COL4A2: variants seen among roughly 807,000 people sequenced by gnomAD.
COL4A2 encodes collagen type IV alpha 2 chain.
COL4A2 carries 99 observed loss-of-function variants against 200.2 expected under a neutral mutation model. That is an observed-to-expected ratio of 0.49 (90% CI 0.42 to 0.58). The LOEUF is 0.58. Among genes scored for constraint, COL4A2 ranks in the 20% least tolerant of loss-of-function variants. COL4A2 has a pLI of 0.00. For synonymous variants in COL4A2, 897 were observed against 900.6 expected, an observed-to-expected ratio of 1.00 and a Z score of 0.07; for missense variants, 1,950 against 2,314.1, an observed-to-expected ratio of 0.84 and a Z score of 3.23.
chr13:110,344,097 G>A (rs981073620), intron 3 of COL4A2, among the ~76,000 whole-genome samples: 10 of 151,810 alleles, frequency 6.6e-5, no homozygotes, highest in Non-Finnish European at 1.3e-4. Flanking sequence ...TCTCCCTAAC[G>A]AAACAGAAGA....
At position 110,495,476 on chromosome 13, in the gene COL4A2, A is replaced by C. The variant is rs758661437; in HGVS notation, c.3760+9A>C. ...AGACCAAGGAGCTCCAGGTGAGGCC[A>C]CACATTCCAAGCCAACATTGCCGTC... On this transcript the variant is annotated intron_variant, in intron 40 of 47. Transcript: ENST00000360467. 9.3e-6 allele frequency: 15 copies of C among 1,610,502 alleles called. No homozygotes were observed. Among genetic ancestry groups the C allele is most frequent in the Non-Finnish European group, 1.3e-5 (15 of 1,178,816 alleles).
intron 40 of COL4A2, among the ~76,000 whole-genome samples, chr13:110,501,225 A>T (rs1262116894): frequency 6.6e-6 from 1 of 152,238 alleles, no homozygotes; most frequent in East Asian, 1.9e-4. Flanking sequence ...AGCCGCAGGG[A>T]GGGTTGACAA....
intron 3 of COL4A2, among the ~76,000 whole-genome samples, chr13:110,345,197 A>T (rs1340985881): frequency 6.6e-6 from 1 of 152,196 alleles, no homozygotes; most frequent in Non-Finnish European, 1.5e-5. Flanking sequence ...GAGGGTATGG[A>T]GGACATTCCA....
intron 4 of COL4A2, among the ~76,000 whole-genome samples, chr13:110,423,718 C>G (rs897320802): frequency 6.6e-6 from 1 of 152,176 alleles, no homozygotes; most frequent in African/African-American, 2.4e-5. Context: ...ACTGCCTCCC[C>G]CTGTCCCTCT....
chr13:110,496,974 T>C (rs1883481224), intron 40 of COL4A2, among the ~76,000 whole-genome samples: 1 of 107,738 alleles, frequency 9.3e-6, no homozygotes, highest in East Asian at 3.1e-4. Flanking sequence ...ACAGCCTCAG[T>C]TGGGGTGAGG....
intron 4 of COL4A2, among the ~76,000 whole-genome samples, chr13:110,374,391 T>C (rs952358): frequency 6.6e-6 from 1 of 152,114 alleles, no homozygotes; most frequent in Non-Finnish European, 1.5e-5. Flanking sequence ...GGGTATGATG[T>C]TGCACCTTGA....
At position 110,462,109 on chromosome 13, in the gene COL4A2, C is replaced by G. The variant is rs1252919829; in HGVS notation, c.1597-5C>G. 8 of 1,614,120 alleles carry G rather than the reference C, an allele frequency of 5.0e-6. No homozygotes were observed. Among genetic ancestry groups the G allele is most frequent in the Non-Finnish European group, 5.9e-6 (7 of 1,180,058 alleles). The stretch of plus-strand genomic sequence containing the variant: ...GGAAGATATTTTTTTGTCTGTTTTC[C>G]ACAGGGAGTGCCTGGCAACATTGGT... On this transcript the variant is annotated splice_region_variant and splice_polypyrimidine_tract_variant and intron_variant, in intron 22 of 47. Transcript: ENST00000360467.
chr13:110,412,990 G>A (rs1879901203), intron 4 of COL4A2, among the ~76,000 whole-genome samples: 1 of 152,162 alleles, frequency 6.6e-6, no homozygotes, highest in Admixed American at 6.5e-5. Flanking sequence ...AAATTCCACT[G>A]GGCGGGCACA....
rs144369891 is a variant in COL4A2, at chr13:110,449,941, C to CA, written c.1189+153dup. The CA allele has an allele frequency of 9.5e-4, 827 of 866,360 alleles. 7 individuals are homozygous for CA. The African/African-American group carries it at 0.012, about 13-fold the overall frequency. 53.7% of individuals were successfully genotyped at this position (866,360 alleles called of 1,614,324 possible). On this transcript the variant is annotated intron_variant, in intron 19 of 47. Coordinates refer to ENST00000360467, the MANE Select transcript of COL4A2 (RefSeq NM_001846.4). ...TAGCAGCTCTAAGGAGCCCCGCACA[C>CA]ATGCTTTGGACACCTTCACAGAACC...
rs1487292526 is a variant in COL4A2, at chr13:110,428,578, C to T, written c.472C>T (p.Pro158Ser). ...CCCCGGCTCTGAGGGGTTCACCGGG[C>T]CTCCCGTGAGTATCCCCACAGCGCC... ...GPPGSEGFTG[P>S]PGPQGPKGQK... is the part of the protein sequence containing the mutation. Residue 158 changes from proline to serine, a missense_variant, in exon 7 of 48, where the codon CCT becomes TCT. Around this residue, in one of 2 missense-constraint regions of COL4A2, gnomAD observed 565 missense variants for 593.5 expected, o/e 0.95. Coordinates refer to ENST00000360467, the MANE Select transcript of COL4A2 (RefSeq NM_001846.4). The T allele has an allele frequency of 1.3e-5, 20 of 1,531,376 alleles. No individual in the cohort carries two copies. The highest frequency in any genetic ancestry group is 1.8e-5 in the Non-Finnish European group (20 of 1,142,254). 94.9% of individuals were successfully genotyped at this position (1,531,376 alleles called of 1,614,324 possible). A position where few individuals can be genotyped will look rare whatever the true frequency, so the allele number is the denominator to read the frequency against.
At chr13:110,461,902 C>T (rs1186965222) in intron 22 of COL4A2, 3 of 633,874 alleles carry the variant, frequency 4.7e-6, no homozygotes, top group Non-Finnish European at 8.1e-6. Flanking sequence ...TCCGCAGTTC[C>T]AGTGCTCCAC....
intron 34 of COL4A2, among the ~76,000 whole-genome samples, chr13:110,486,937 T>A (rs1376709527): frequency 6.6e-6 from 1 of 152,252 alleles, no homozygotes; most frequent in Non-Finnish European, 1.5e-5. Flanking sequence ...ACCGGCCATC[T>A]GGATGTGTAC....
chr13:110,346,223 C>T (rs780162361), intron 3 of COL4A2, among the ~76,000 whole-genome samples: 5 of 152,086 alleles, frequency 3.3e-5, no homozygotes, highest in Admixed American at 1.3e-4. Flanking sequence ...TTGTTTCCTG[C>T]GTAACTCAAA....
chr13:110,392,112 A>G (rs1226658293), intron 4 of COL4A2, among the ~76,000 whole-genome samples: 1 of 152,208 alleles, frequency 6.6e-6, no homozygotes, highest in Non-Finnish European at 1.5e-5. Flanking sequence ...GATTCTAGGA[A>G]AAAAGAGGAG....
intron 4 of COL4A2, among the ~76,000 whole-genome samples, chr13:110,402,365 T>C (rs1162147298): frequency 6.6e-6 from 1 of 152,206 alleles, no homozygotes; most frequent in Admixed American, 6.5e-5. Flanking sequence ...GAGTAAGTGA[T>C]GCCAGGTGAG....
rs143941396 is a variant in COL4A2 at position 110,480,173 on chromosome 13, C to G, written c.2588-47C>G. The G allele has an allele frequency of 1.2e-3, 1,779 of 1,515,700 alleles. 3 individuals are homozygous for G. The highest frequency in any genetic ancestry group is 1.5e-3 in the Non-Finnish European group (1,654 of 1,129,310). The allele number at this position is 1,515,700 out of a possible 1,614,324, so 93.9% of individuals were successfully genotyped here. On this transcript the variant is annotated intron_variant, in intron 30 of 47. Transcript: ENST00000360467. ...CGTAAAAGCAGAAGAGAAATTTCCC[C>G]TGTGTGTGTTTGTCCACCCTGTTTG...
At chr13:110,471,540 C>T (rs1308945771) in intron 28 of COL4A2, among the ~76,000 whole-genome samples, 1 of 152,160 alleles carries the variant, frequency 6.6e-6, no homozygotes, top group African/African-American at 2.4e-5. Context: ...ACATGCAAAC[C>T]CAAGTGCATG....
chr13:110,428,351 C>T (rs1880544778), intron 6 of COL4A2, 116 bp from the exon 7 acceptor site: 1 of 669,346 alleles, frequency 1.5e-6, no homozygotes, highest in East Asian at 3.0e-5. Context: ...GGTGTCTTTT[C>T]CTTGGATTCA....
chr13:110,484,145 A>G (rs1883030606), intron 32 of COL4A2, among the ~76,000 whole-genome samples: 1 of 151,976 alleles, frequency 6.6e-6, no homozygotes. Flanking sequence ...GCTCCATGGT[A>G]ATTATTTCCT....
Sources: gnomAD v4.1 joint callset for allele counts (sites outside exome capture counted in the v4.1 genomes callset) on GRCh38, gnomAD v4.1.1 for gene constraint, gnomAD v4.1.1 regional missense constraint, MANE v1.5 for transcripts, NCBI Gene and HGNC (gene_info 2026-07-23, HGNC 2026-07-21) for gene names.